PLXNC1: variants seen among roughly 807,000 people sequenced by gnomAD.
The protein encoded by PLXNC1 is plexin-C1.
Under a neutral mutation model 178.2 loss-of-function variants are expected in PLXNC1, and 75 were observed. That is an observed-to-expected ratio of 0.42 (90% confidence interval 0.35 to 0.51). The LOEUF is 0.51. PLXNC1 is among the 20% of genes least tolerant of loss of function. PLXNC1 has a pLI of 0.02. For synonymous variants in PLXNC1, 790 were observed against 779.9 expected (o/e 1.01, Z -0.22); for missense variants, 1,503 against 1,984.4 (o/e 0.76, Z 4.61).
rs767968596 is a variant in PLXNC1, at chr12:94,248,058, G to T, written c.2544G>T (p.Gly848=). ...ATCGGGAGGACCCCAGATTCACGGG[G>T]TATCGGGTGGAATCCGAGGTGGACA... ...LQYREDPRFT[G]YRVESEVDTE... is the part of the protein sequence containing the mutation. Residue 848 remains glycine (G), a synonymous_variant, in exon 13 of 31, where the codon GGG becomes GGT. Coordinates refer to ENST00000258526, the MANE Select transcript of PLXNC1 (RefSeq NM_005761.3). The T allele has an allele frequency of 2.4e-5, 39 of 1,614,038 alleles. No homozygotes were observed. The highest frequency in any genetic ancestry group is 1.6e-4 in the Middle Eastern group (1 of 6,084).
intron 17 of PLXNC1, 89 bp downstream of exon 17, chr12:94,255,385 C>A: frequency 1.1e-6 from 1 of 896,962 alleles, no homozygotes; most frequent in African/African-American, 1.6e-5. Flanking sequence ...TGTTTGCTTC[C>A]AAGGCAGCTA....
intron 15 of PLXNC1, among the ~76,000 whole-genome samples, chr12:94,254,172 C>G (rs1378447775): frequency 6.6e-6 from 1 of 152,208 alleles, no homozygotes; most frequent in Non-Finnish European, 1.5e-5. Context: ...TAACCCAGGT[C>G]ACATAGCTAG....
chr12:94,253,663 C>T (rs1964762410), intron 15 of PLXNC1, among the ~76,000 whole-genome samples: 1 of 149,812 alleles, frequency 6.7e-6, no homozygotes, highest in South Asian at 2.1e-4. Context: ...TAGCAGAGCC[C>T]GTCTATTATG....
intron 30 of PLXNC1, 84 bp downstream of exon 30, chr12:94,304,135 T>C: frequency 2.3e-6 from 2 of 879,818 alleles, no homozygotes; most frequent in Non-Finnish European, 1.8e-6. Flanking sequence ...TCAGAACAGC[T>C]CTGGCATCCC....
At chr12:94,190,028 T>C (rs747469436) in intron 4 of PLXNC1, among the ~76,000 whole-genome samples, 1 of 151,748 alleles carries the variant, frequency 6.6e-6, no homozygotes, top group African/African-American at 2.4e-5. Context: ...GGAGGAAGTG[T>C]TGGAAAGAGA....
At chr12:94,174,570 C>T (rs984285309) in intron 2 of PLXNC1, among the ~76,000 whole-genome samples, 2 of 152,206 alleles carry the variant, frequency 1.3e-5, no homozygotes, top group African/African-American at 2.4e-5. Context: ...AAACTCTGTA[C>T]TGCCTAAAGA....
intron 10 of PLXNC1, among the ~76,000 whole-genome samples, chr12:94,238,313 C>G (rs1345530549): frequency 6.6e-6 from 1 of 152,158 alleles, no homozygotes; most frequent in African/African-American, 2.4e-5. Context: ...AATTAAATTA[C>G]TACTACATAT....
At position 94,248,303 on chromosome 12, in the gene PLXNC1, A is replaced by G. The variant is rs780204625; in HGVS notation, c.2669A>G (p.Asn890Ser). ...TLFHGENGQL[N>S]CSFENITRNQ... Reference sequence around the variant, plus strand: ...TTCCATGGGGAAAATGGGCAATTAAATTGCAGTTTTGAAAATATTACTAGA... The same window carrying G: ...TTCCATGGGGAAAATGGGCAATTAAGTTGCAGTTTTGAAAATATTACTAGA... The change falls in exon 14 of 31, where the codon AAT becomes AGT. Residue 890 changes from asparagine (N) to serine (S), a missense_variant. By Grantham distance (46) the Asn-to-Ser change is conservative (BLOSUM62 1). Coordinates refer to ENST00000258526, the MANE Select transcript of PLXNC1 (RefSeq NM_005761.3). 9.3e-6 allele frequency: 15 copies of G among 1,613,636 alleles called. No individual in the cohort carries two copies. The highest frequency in any genetic ancestry group is 1.3e-5 in the African/African-American group (1 of 74,938).
chr12:94,243,245 A>G (rs1464085733), intron 11 of PLXNC1, among the ~76,000 whole-genome samples: 1 of 152,230 alleles, frequency 6.6e-6, no homozygotes, highest in East Asian at 1.9e-4. Flanking sequence ...TGACGTACCC[A>G]GGCTCTTGTC....
chr12:94,212,140 G>A (rs1963489739), intron 5 of PLXNC1, among the ~76,000 whole-genome samples: 1 of 151,740 alleles, frequency 6.6e-6, no homozygotes, highest in African/African-American at 2.4e-5. Flanking sequence ...CGGGCGTGGT[G>A]GCGGGCGCCT....
At chr12:94,271,132 T>A (rs1279326549) in intron 21 of PLXNC1, among the ~76,000 whole-genome samples, 2 of 152,248 alleles carry the variant, frequency 1.3e-5, no homozygotes, top group Non-Finnish European at 2.9e-5. Context: ...TTCTCTTGAC[T>A]TTCATTCGGC....
intron 5 of PLXNC1, among the ~76,000 whole-genome samples, chr12:94,212,727 T>C (rs563578078): frequency 1.0e-3 from 152 of 149,634 alleles, no homozygotes; most frequent in Non-Finnish European, 1.5e-3. Context: ...CTTTTCTTTT[T>C]TTTTTTTTTT....
At chr12:94,255,373 A>T in intron 17 of PLXNC1, 77 bp downstream of exon 17, 1 of 1,005,578 alleles carries the variant, frequency 9.9e-7, no homozygotes. Flanking sequence ...TGTCAAAACG[A>T]GTGTTTGCTT....
rs766460777 is a variant in PLXNC1 at position 94,298,910 on chromosome 12, G to A, written c.4238+115G>A. 333 of 1,004,762 alleles carry A rather than the reference G, an allele frequency of 3.3e-4. 1 individual carries two copies. Among genetic ancestry groups the A allele is most frequent in the Middle Eastern group, 4.4e-4 (2 of 4,512 alleles). 62.2% of individuals were successfully genotyped at this position (1,004,762 alleles called of 1,614,324 possible). A position where few individuals can be genotyped will look rare whatever the true frequency, so the allele number is the denominator to read the frequency against. On this transcript the variant is annotated intron_variant, in intron 27 of 30. Transcript: ENST00000258526. ...ATTTATCTCTATATCAGAATCTTTG[G>A]GCTTGGTAAGCTATCATGTCAAAGT...
At chr12:94,298,602 C>G in intron 26 of PLXNC1, 30 bp from the exon 27 acceptor site, 1 of 1,546,672 alleles carries the variant, frequency 6.5e-7, no homozygotes, top group Non-Finnish European at 8.7e-7. Context: ...AGTTTTTAAT[C>G]TCCCAAATCT....
At chr12:94,230,349 A>G (rs950487232) in intron 9 of PLXNC1, among the ~76,000 whole-genome samples, 5 of 152,138 alleles carry the variant, frequency 3.3e-5, no homozygotes, top group African/African-American at 1.2e-4. Flanking sequence ...TTAAAGATAA[A>G]TATCATAAAG....
chr12:94,225,566 A>G (rs1427561972), intron 7 of PLXNC1, among the ~76,000 whole-genome samples: 1 of 152,256 alleles, frequency 6.6e-6, no homozygotes. Flanking sequence ...AAATAGAATT[A>G]TATAGCTCAA....
chr12:94,244,118 G>A, intron 12 of PLXNC1, 93 bp downstream of exon 12: 1 of 648,370 alleles, frequency 1.5e-6, no homozygotes, highest in South Asian at 2.3e-5. Flanking sequence ...TTTTGTTTCT[G>A]TGACTTTGGT....
At chr12:94,218,702 C>T (rs1212007810) in intron 5 of PLXNC1, among the ~76,000 whole-genome samples, 1 of 152,000 alleles carries the variant, frequency 6.6e-6, no homozygotes, top group Non-Finnish European at 1.5e-5. Flanking sequence ...CTACTATACA[C>T]ACACACACAC....
Sources: allele counts gnomAD v4.1 joint callset (sites outside exome capture counted in the v4.1 genomes callset), GRCh38; gene constraint gnomAD v4.1.1; transcripts MANE v1.5; gene names NCBI Gene and HGNC (gene_info 2026-07-23, HGNC 2026-07-21).